The following IQGAP2 variants were observed in gnomAD, a reference collection of about 807,000 sequenced individuals.
IQGAP2 encodes the protein ras GTPase-activating-like protein IQGAP2.
Under a neutral mutation model 201.3 loss-of-function variants are expected in IQGAP2, and 173 were observed. That is an observed-to-expected ratio of 0.86 (90% CI 0.76 to 0.98). The LOEUF (loss-of-function observed/expected upper bound fraction) is 0.98. IQGAP2 is among the 50% of genes least tolerant of loss of function. IQGAP2 has a pLI of 0.00. For missense variants in IQGAP2, 1,687 were observed against 1,864.8 expected (o/e 0.90, Z 1.76); for synonymous variants, 675 against 673.9 (o/e 1.00, Z -0.03).
intron 22 of IQGAP2, among the ~76,000 whole-genome samples, chr5:76,666,477 G>T (rs1743766218): frequency 6.6e-6 from 1 of 152,178 alleles, no homozygotes; most frequent in Admixed American, 6.5e-5. Context: ...TCTAGTCATT[G>T]TTTATTATAT....
At chr5:76,684,663 G>A (rs1056775238) in intron 30 of IQGAP2, among the ~76,000 whole-genome samples, 12 of 152,306 alleles carry the variant, frequency 7.9e-5, no homozygotes, top group African/African-American at 2.6e-4. Context: ...ATGGAGACTG[G>A]AAGTGGAAAA....
At chr5:76,649,019 A>G (rs1374724962) in intron 17 of IQGAP2, among the ~76,000 whole-genome samples, 3 of 152,274 alleles carry the variant, frequency 2.0e-5, no homozygotes, top group Non-Finnish European at 4.4e-5. Flanking sequence ...TGTTCCAAAA[A>G]CACAGATTCA....
chr5:76,584,627 T>A (rs1746118246), intron 5 of IQGAP2, among the ~76,000 whole-genome samples: 1 of 151,862 alleles, frequency 6.6e-6, no homozygotes, highest in South Asian at 2.1e-4. Flanking sequence ...CGGGATAGCA[T>A]GCCGGTACCC....
intron 13 of IQGAP2, among the ~76,000 whole-genome samples, chr5:76,614,002 T>C (rs1243872522): frequency 6.6e-6 from 1 of 152,176 alleles, no homozygotes; most frequent in African/African-American, 2.4e-5. Flanking sequence ...TTCAAGGTTC[T>C]TACTAGACGT....
chr5:76,558,686 AG>A (rs1744115074), intron 2 of IQGAP2, among the ~76,000 whole-genome samples: 1 of 152,212 alleles, frequency 6.6e-6, no homozygotes, highest in Admixed American at 6.5e-5. Context: ...TTGTTCTTCC[AG>A]TTTCACAGCC....
chr5:76,619,309 A>T (rs1473683844), intron 13 of IQGAP2, among the ~76,000 whole-genome samples: 3 of 152,138 alleles, frequency 2.0e-5, no homozygotes, highest in African/African-American at 7.2e-5. Context: ...AAATTCCTGA[A>T]GGGCCTCTAA....
chr5:76,570,750 T>C, intron 4 of IQGAP2, 93 bp downstream of exon 4: 2 of 846,198 alleles, frequency 2.4e-6, no homozygotes, highest in Non-Finnish European at 4.0e-6. Flanking sequence ...GACTGGGTTA[T>C]GTTAATGTAG....
chr5:76,406,230 C>A (rs954621436), intron 1 of IQGAP2, among the ~76,000 whole-genome samples: 1 of 152,202 alleles, frequency 6.6e-6, no homozygotes, highest in African/African-American at 2.4e-5. Context: ...CTCCATGAGG[C>A]CTCTGACTCT....
chr5:76,594,343 C>G (rs1746864582), intron 9 of IQGAP2, among the ~76,000 whole-genome samples: 1 of 152,052 alleles, frequency 6.6e-6, no homozygotes, highest in Non-Finnish European at 1.5e-5. Flanking sequence ...AAACAGTTTT[C>G]TTTTTCATGT....
At chr5:76,657,398 G>A (rs1197390994) in intron 20 of IQGAP2, among the ~76,000 whole-genome samples, 1 of 152,140 alleles carries the variant, frequency 6.6e-6, no homozygotes, top group Non-Finnish European at 1.5e-5. Flanking sequence ...GGAAATAAAG[G>A]GTCCCATGAT....
chr5:76,419,333 T>TTTTG (rs140906187), intron 1 of IQGAP2, among the ~76,000 whole-genome samples: 3 of 150,324 alleles, frequency 2.0e-5, no homozygotes, highest in Admixed American at 2.0e-4. Context: ...TCACTAGGGT[T>TTTTG]TTTTGTTTTG....
chr5:76,630,030 G>A (rs1750569778), intron 14 of IQGAP2, among the ~76,000 whole-genome samples: 1 of 152,122 alleles, frequency 6.6e-6, no homozygotes, highest in Non-Finnish European at 1.5e-5. Flanking sequence ...TAGACACTTT[G>A]AGCCTGTTGA....
intron 1 of IQGAP2, among the ~76,000 whole-genome samples, chr5:76,420,665 G>A (rs936141882): frequency 2.6e-5 from 4 of 152,138 alleles, no homozygotes; most frequent in Non-Finnish European, 5.9e-5. Flanking sequence ...GTGAGCCACC[G>A]TGCCCAGCCT....
intron 14 of IQGAP2, chr5:76,628,843 G>A: frequency 2.5e-6 from 1 of 397,794 alleles, no homozygotes; most frequent in South Asian, 1.9e-5. Context: ...TAATGAAGTG[G>A]AGGTGTGTAT....
chr5:76,417,734 C>G (rs1253915131), intron 1 of IQGAP2, among the ~76,000 whole-genome samples: 1 of 151,932 alleles, frequency 6.6e-6, no homozygotes, highest in African/African-American at 2.4e-5. Flanking sequence ...GTGTATGCCA[C>G]TATGCCCAGC....
At chr5:76,570,544 C>T in intron 3 of IQGAP2, 36 bp from the exon 4 acceptor site, 2 of 1,438,524 alleles carry the variant, frequency 1.4e-6, no homozygotes, top group Non-Finnish European at 9.8e-7. Context: ...TTGTGTGGTT[C>T]CTTCTCTCCC....
intron 2 of IQGAP2, among the ~76,000 whole-genome samples, chr5:76,515,378 C>A (rs1758251341): frequency 6.6e-6 from 1 of 152,076 alleles, no homozygotes; most frequent in Admixed American, 6.5e-5. Context: ...TCTTTTTTAA[C>A]CTTTTGTGGC....
rs427380 is a variant in IQGAP2, at chr5:76,646,331, C to A, written c.2094+5228C>A. Among the ~76,000 whole-genome samples the A allele has an allele frequency of 2.0e-3, 305 of 152,092 alleles. 6 individuals carry two copies. The highest frequency in any genetic ancestry group is 0.019 in the Admixed American group (288 of 15,284). On this transcript the variant is annotated intron_variant, in intron 17 of 35. Transcript: ENST00000274364. Reference sequence around the variant, plus strand: ...ATCCCATGGGGTAGCATTTTCTAAACGGATAATTAATTTAAAATTTTTTAT... The same window carrying A: ...ATCCCATGGGGTAGCATTTTCTAAAAGGATAATTAATTTAAAATTTTTTAT...
At chr5:76,449,790 A>G (rs535862705) in intron 1 of IQGAP2, among the ~76,000 whole-genome samples, 2 of 152,310 alleles carry the variant, frequency 1.3e-5, no homozygotes, top group South Asian at 4.1e-4. Flanking sequence ...AGATTTGGCT[A>G]TCTCCTCTGG....
Sources: gnomAD v4.1 joint callset for allele counts (sites outside exome capture counted in the v4.1 genomes callset) on GRCh38, gnomAD v4.1.1 for gene constraint, MANE v1.5 for transcripts, NCBI Gene and HGNC (gene_info 2026-07-23, HGNC 2026-07-21) for gene names.